Variants in ALDH18A1 observed in about 807,000 individuals in gnomAD.
ALDH18A1 encodes delta-1-pyrroline-5-carboxylate synthase.
A neutral mutation model predicts 88.8 loss-of-function variants in ALDH18A1; 44 were observed. That is an observed-to-expected ratio of 0.50 (90% CI 0.39 to 0.64). ALDH18A1 has a LOEUF of 0.64. Among genes scored for constraint, ALDH18A1 ranks in the 30% least tolerant of loss-of-function variants. The pLI, the probability that ALDH18A1 is intolerant of heterozygous loss-of-function variation, is 0.00. For synonymous variants in ALDH18A1, 331 were observed against 372.1 expected (o/e 0.89, Z 1.27); for missense variants, 782 against 1,009.5 (o/e 0.77, Z 3.05).
Position 95,613,881 on chromosome 10 carries a change from A to G in ALDH18A1, c.1802-18T>C, listed in dbSNP as rs1391782958. 4 of 1,614,106 alleles carry G rather than the reference A, an allele frequency of 2.5e-6. No homozygotes were observed. The South Asian group carries it at 4.4e-5, about 18-fold the overall frequency. ...GTCTCTGACTGAAAGAAGATGAGCA[A>G]AGAATTGTTTCCATTGACATGATCC... On this transcript the variant is annotated intron_variant, in intron 14 of 17. Transcript: ENST00000371224.
intron 2 of ALDH18A1, among the ~76,000 whole-genome samples, chr10:95,648,107 C>A (rs565263925): frequency 6.6e-6 from 1 of 152,174 alleles, no homozygotes; most frequent in Admixed American, 6.5e-5. Flanking sequence ...GAAGCCTGGA[C>A]TCAGGACTAC....
intron 10 of ALDH18A1, 75 bp downstream of exon 10, chr10:95,626,628 C>A (rs2097860789): frequency 7.4e-7 from 1 of 1,358,656 alleles, no homozygotes. Context: ...ATGGAGTCAG[C>A]AGGTTTGACT....
chr10:95,622,584 C>A (rs187581235), intron 11 of ALDH18A1, among the ~76,000 whole-genome samples: 49 of 152,280 alleles, frequency 3.2e-4, no homozygotes, highest in African/African-American at 1.2e-3. Context: ...GTCGCCCAGG[C>A]TGGAGTGCAG....
chr10:95,651,996 T>C (rs2097911137), intron 2 of ALDH18A1, among the ~76,000 whole-genome samples: 1 of 152,196 alleles, frequency 6.6e-6, no homozygotes, highest in Non-Finnish European at 1.5e-5. Context: ...AATGGGTGAA[T>C]GGTTACACTA....
At chr10:95,637,726 T>C (rs1324137083) in intron 3 of ALDH18A1, among the ~76,000 whole-genome samples, 1 of 152,172 alleles carries the variant, frequency 6.6e-6, no homozygotes, top group Non-Finnish European at 1.5e-5. Flanking sequence ...CCCAGCACTT[T>C]GGGAGGCCAA....
At chr10:95,624,445 A>G (rs1361457399) in intron 11 of ALDH18A1, among the ~76,000 whole-genome samples, 2 of 152,264 alleles carry the variant, frequency 1.3e-5, no homozygotes, top group African/African-American at 4.8e-5. Flanking sequence ...AATGAGATGT[A>G]AATTCTAGAG....
rs2097823510 is a variant in ALDH18A1, at chr10:95,606,786, A to G, written c.2364T>C (p.Pro788=). Reference sequence around the variant, plus strand: ...TTCAGTTGGTGTTTCTCTGAGGAATAGGGAGGTTCTCATGAAGATATTTTA... The same window carrying G: ...TTCAGTTGGTGTTTCTCTGAGGAATGGGGAGGTTCTCATGAAGATATTTTA... ...GSLKYLHENL[P]IPQRNTN is the part of the protein sequence containing the mutation. The change falls in exon 18 of 18, where the codon CCT becomes CCC. Residue 788 remains proline (P), a synonymous_variant. Coordinates refer to ENST00000371224, the MANE Select transcript of ALDH18A1 (RefSeq NM_002860.4). The G allele has an allele frequency of 6.2e-7, 1 of 1,613,998 alleles. No homozygotes were observed. Among genetic ancestry groups the G allele is most frequent in the African/African-American group, 1.3e-5 (1 of 74,894 alleles).
At chr10:95,639,891 T>C (rs1321608744) in intron 3 of ALDH18A1, among the ~76,000 whole-genome samples, 1 of 152,056 alleles carries the variant, frequency 6.6e-6, no homozygotes, top group African/African-American at 2.4e-5. Flanking sequence ...GCTCTTTGTA[T>C]ACCCTATAAA....
Position 95,628,326 on chromosome 10 carries a change from G to A in ALDH18A1, c.933+42C>T, listed in dbSNP as rs371506949. On this transcript the variant is annotated intron_variant, in intron 8 of 17. Transcript: ENST00000371224. ...GTAAAAAGGATACAATATAGTTTGG[G>A]CTTTAAAATTGTTATAGGCAGTTAA... 5 of 1,613,440 alleles carry A rather than the reference G, an allele frequency of 3.1e-6. No homozygotes were observed. The African/African-American group carries it at 6.7e-5, about 22-fold the overall frequency.
chr10:95,648,048 G>C (rs2097904075), intron 2 of ALDH18A1, among the ~76,000 whole-genome samples: 1 of 152,186 alleles, frequency 6.6e-6, no homozygotes, highest in African/African-American at 2.4e-5. Context: ...CAAGCCCAAA[G>C]AGGGTACTGT....
intron 2 of ALDH18A1, among the ~76,000 whole-genome samples, chr10:95,648,280 G>C (rs1203661175): frequency 6.6e-6 from 1 of 152,028 alleles, no homozygotes; most frequent in East Asian, 1.9e-4. Flanking sequence ...TATGGAGTGA[G>C]AGCAGAGGAA....
chr10:95,616,713 G>T, intron 12 of ALDH18A1, 99 bp from the exon 13 acceptor site: 1 of 1,465,134 alleles, frequency 6.8e-7, no homozygotes, highest in Non-Finnish European at 9.3e-7. Flanking sequence ...TAAGCACTGT[G>T]TTCATCATTT....
chr10:95,631,697 T>C lies in ALDH18A1; in HGVS notation c.808+1262A>G, dbSNP rs116360328. Among the ~76,000 whole-genome samples, 475 of 145,190 alleles carry C rather than the reference T, an allele frequency of 3.3e-3. 4 individuals carry two copies. The highest frequency in any genetic ancestry group is 0.012 in the African/African-American group (467 of 38,230). On this transcript the variant is annotated intron_variant, in intron 7 of 17. Transcript: ENST00000371224. The stretch of plus-strand genomic sequence containing the variant: ...AGTGGAGGTTGCGGTGAGCCGATAT[T>C]GTGCCACTACACTCCTGCCTGGGTG...
chr10:95,654,371 G>A (rs562733408), intron 1 of ALDH18A1, among the ~76,000 whole-genome samples: 2 of 152,080 alleles, frequency 1.3e-5, no homozygotes, highest in Admixed American at 6.5e-5. Context: ...CACCATGTTG[G>A]CCAGGATGGT....
At chr10:95,623,411 T>TTC (rs10637751) in intron 11 of ALDH18A1, among the ~76,000 whole-genome samples, 99,298 of 151,020 alleles carry the variant, frequency 0.66, 33,005 homozygotes, top group East Asian at 0.74. Context: ...TTTTCTTTCT[T>TTC]TTTCTTTTTT....
chr10:95,609,426 G>C (rs1448300678), intron 17 of ALDH18A1, among the ~76,000 whole-genome samples: 3 of 152,178 alleles, frequency 2.0e-5, no homozygotes. Flanking sequence ...AGGCAACCTG[G>C]CTGTGCCATT....
At chr10:95,609,767 C>CTCTTT (rs1193875091) in intron 17 of ALDH18A1, among the ~76,000 whole-genome samples, 1 of 30,696 alleles carries the variant, frequency 3.3e-5, no homozygotes, top group Non-Finnish European at 8.8e-5. Flanking sequence ...AAGTCTGTCT[C>CTCTTT]TATTTTTTTT....
chr10:95,642,825 C>T (rs968008236), intron 3 of ALDH18A1, among the ~76,000 whole-genome samples, 167 bp downstream of exon 3: 15 of 152,184 alleles, frequency 9.9e-5, no homozygotes, highest in Non-Finnish European at 1.9e-4. Context: ...CCTAAGATGT[C>T]GTCTCTCACT....
In ALDH18A1 at chr10:95,621,393, C is replaced by G. The variant is rs577250243; in HGVS notation, c.1247-142G>C. ...GGAGTGCAGTGGCATGATCTAGGCC[C>G]AATGCAACCTCTGCCTCCTGGGTTC... On this transcript the variant is annotated intron_variant, in intron 11 of 17. Coordinates refer to ENST00000371224, the MANE Select transcript of ALDH18A1 (RefSeq NM_002860.4). The G allele has an allele frequency of 1.7e-4, 125 of 743,702 alleles. No homozygotes were observed. In the African/African-American group the frequency reaches 1.9e-3, roughly 11 times the overall value. 46.1% of individuals were successfully genotyped at this position (743,702 alleles called of 1,614,324 possible). A position where few individuals can be genotyped will look rare whatever the true frequency, so the allele number is the denominator to read the frequency against.
Sources: gnomAD v4.1 joint callset for allele counts (sites outside exome capture counted in the v4.1 genomes callset) on GRCh38, gnomAD v4.1.1 for gene constraint, MANE v1.5 for transcripts, NCBI Gene and HGNC (gene_info 2026-07-23, HGNC 2026-07-21) for gene names.